Variants in PRKCA observed in about 807,000 individuals in gnomAD.
PRKCA encodes the protein protein kinase C alpha type.
A neutral mutation model predicts 87.0 loss-of-function variants in PRKCA; 27 were observed. That is an observed-to-expected ratio of 0.31 (90% CI 0.23 to 0.43). PRKCA has a LOEUF of 0.43. Among genes scored for constraint, PRKCA ranks in the 20% least tolerant of loss-of-function variants. The pLI, the probability that PRKCA is intolerant of heterozygous loss-of-function variation, is 1.00. For missense variants in PRKCA, 518 were observed against 852.3 expected (o/e 0.61, Z 4.88); for synonymous variants, 329 against 311.1 (o/e 1.06, Z -0.61).
chr17:66,587,887 GTGTGTGTGTATA>G (rs1326033085), intron 3 of PRKCA, among the ~76,000 whole-genome samples: 4 of 99,012 alleles, frequency 4.0e-5, no homozygotes, highest in Non-Finnish European at 5.8e-5. Context: ...GTGTGTGTGT[GTGTGTGTGTATA>G]TATATATATA....
At chr17:66,781,447 G>C (rs1249009954) in intron 14 of PRKCA, among the ~76,000 whole-genome samples, 1 of 152,210 alleles carries the variant, frequency 6.6e-6, no homozygotes, top group Non-Finnish European at 1.5e-5. Context: ...TCAACGTACA[G>C]GTAGCATAAG....
intron 3 of PRKCA, among the ~76,000 whole-genome samples, chr17:66,522,626 A>G (rs971507355): frequency 6.6e-5 from 10 of 152,074 alleles, no homozygotes; most frequent in Non-Finnish European, 1.3e-4. Flanking sequence ...CCTTTGTTGA[A>G]GGGGAGGAAC....
At chr17:66,351,985 G>T (rs560836442) in intron 2 of PRKCA, among the ~76,000 whole-genome samples, 4 of 152,148 alleles carry the variant, frequency 2.6e-5, no homozygotes, top group African/African-American at 9.7e-5. Context: ...GTGTCACGTC[G>T]TGAGCATACC....
intron 2 of PRKCA, among the ~76,000 whole-genome samples, chr17:66,395,727 A>T (rs1337287592): frequency 6.6e-6 from 1 of 152,230 alleles, no homozygotes; most frequent in African/African-American, 2.4e-5. Flanking sequence ...TGATTTTTTA[A>T]CAGCAGTTTT....
At chr17:66,373,533 G>A (rs1909234111) in intron 2 of PRKCA, among the ~76,000 whole-genome samples, 1 of 152,194 alleles carries the variant, frequency 6.6e-6, no homozygotes, top group African/African-American at 2.4e-5. Flanking sequence ...GATTCAAGTT[G>A]TAGGAGTTTG....
chr17:66,489,564 G>A (rs76642519), intron 2 of PRKCA, among the ~76,000 whole-genome samples: 3,938 of 151,626 alleles, frequency 0.026, 171 homozygotes, highest in African/African-American at 0.09. Flanking sequence ...GTGCTCAAGC[G>A]AGCAGGGAGG....
intron 3 of PRKCA, among the ~76,000 whole-genome samples, chr17:66,574,945 A>G (rs1969189841): frequency 6.6e-6 from 1 of 152,220 alleles, no homozygotes; most frequent in Non-Finnish European, 1.5e-5. Context: ...AAAATATCAT[A>G]CTGTTGATGT....
intron 2 of PRKCA, among the ~76,000 whole-genome samples, chr17:66,315,453 G>A (rs1377663583): frequency 6.6e-6 from 1 of 150,928 alleles, no homozygotes; most frequent in Non-Finnish European, 1.5e-5. Flanking sequence ...CTTGAATGTC[G>A]AGGTATTAAA....
chr17:66,312,355 T>G (rs4577128), intron 2 of PRKCA, among the ~76,000 whole-genome samples: 1 of 152,142 alleles, frequency 6.6e-6, no homozygotes, highest in East Asian at 1.9e-4. Context: ...ATGATACTAT[T>G]GAAATTTAAG....
intron 13 of PRKCA, among the ~76,000 whole-genome samples, chr17:66,761,161 G>A (rs1974674110): frequency 6.6e-6 from 1 of 151,992 alleles, no homozygotes; most frequent in Admixed American, 6.6e-5. Flanking sequence ...CACAAGGTCA[G>A]GAGATTGAGA....
intron 14 of PRKCA, chr17:66,777,149 A>C: frequency 1.1e-6 from 1 of 899,302 alleles, no homozygotes; most frequent in Non-Finnish European, 1.3e-6. Context: ...CCTGGTGGGT[A>C]GGGGGAGCCC....
intron 2 of PRKCA, among the ~76,000 whole-genome samples, chr17:66,471,447 G>A (rs1389024255): frequency 6.6e-6 from 1 of 152,170 alleles, no homozygotes; most frequent in Non-Finnish European, 1.5e-5. Context: ...CACAGAATAG[G>A]TAACCACTGA....
chr17:66,569,516 C>T (rs1969004607), intron 3 of PRKCA, among the ~76,000 whole-genome samples: 1 of 152,122 alleles, frequency 6.6e-6, no homozygotes, highest in South Asian at 2.1e-4. Flanking sequence ...TTGCAGTGAG[C>T]TGAGACCATG....
chr17:66,348,064 T>C (rs1907512957), intron 2 of PRKCA, among the ~76,000 whole-genome samples: 1 of 149,582 alleles, frequency 6.7e-6, no homozygotes, highest in African/African-American at 2.5e-5. Flanking sequence ...GCCTCAGACT[T>C]ATGAGTAGCT....
Position 66,583,333 on chromosome 17 carries a change from G to A in PRKCA, c.289-58022G>A, listed in dbSNP as rs73996412. ...CATTGTCGTCTTTTTAATAGCTGTA[G>A]ACATCTAATCCTGAGCTAGTGTTTT... On this transcript the variant is annotated intron_variant, in intron 3 of 16. Transcript: ENST00000413366. Among the ~76,000 whole-genome samples the A allele has an allele frequency of 2.0e-3, 307 of 152,200 alleles. 1 individual carries two copies. The highest frequency in any genetic ancestry group is 7.1e-3 in the African/African-American group (293 of 41,532).
intron 2 of PRKCA, among the ~76,000 whole-genome samples, chr17:66,475,245 A>G (rs1163723026): frequency 6.6e-6 from 1 of 152,062 alleles, no homozygotes; most frequent in Non-Finnish European, 1.5e-5. Context: ...AGGAGTGAAT[A>G]AAGATTTGTT....
chr17:66,373,015 C>T (rs886600364), intron 2 of PRKCA, among the ~76,000 whole-genome samples: 3 of 151,968 alleles, frequency 2.0e-5, no homozygotes, highest in East Asian at 3.9e-4. Flanking sequence ...GTCAAGATTG[C>T]GCCACTGCAC....
At chr17:66,781,440 A>G (rs1004649108) in intron 14 of PRKCA, among the ~76,000 whole-genome samples, 1 of 152,176 alleles carries the variant, frequency 6.6e-6, no homozygotes, top group South Asian at 2.1e-4. Context: ...CTGACCCTCA[A>G]CGTACAGGTA....
chr17:66,484,540 C>G lies in PRKCA; in HGVS notation c.206-11661C>G, dbSNP rs1362340261. Among the ~76,000 whole-genome samples, 4 of 152,138 alleles carry G rather than the reference C, an allele frequency of 2.6e-5. No homozygotes were observed. In the East Asian group the frequency reaches 7.7e-4, roughly 29 times the overall value. On this transcript the variant is annotated intron_variant, in intron 2 of 16. Coordinates refer to ENST00000413366, the MANE Select transcript of PRKCA (RefSeq NM_002737.3). Reference sequence around the variant, plus strand: ...TCCCAGGTTTCTTATTTTTTCTGACCAGCTCTTTGTCCATACTGATTCAAT... The same window carrying G: ...TCCCAGGTTTCTTATTTTTTCTGACGAGCTCTTTGTCCATACTGATTCAAT...
Sources: allele counts gnomAD v4.1 joint callset (sites outside exome capture counted in the v4.1 genomes callset), GRCh38; gene constraint gnomAD v4.1.1; transcripts MANE v1.5; gene names NCBI Gene and HGNC (gene_info 2026-07-23, HGNC 2026-07-21).